PRAG1: variants seen among roughly 807,000 people sequenced by gnomAD.
The protein encoded by PRAG1 is PEAK1 related, kinase-activating pseudokinase 1.
Under a neutral mutation model 95.6 loss-of-function variants are expected in PRAG1, and 110 were observed. That is an observed-to-expected ratio of 1.15 (90% CI 0.99 to 1.35). The LOEUF (loss-of-function observed/expected upper bound fraction) is 1.35, where lower values mean the gene tolerates loss of function less well. Ranked by LOEUF, PRAG1 falls within the 40% of genes most tolerant of loss-of-function variation. The probability of loss-of-function intolerance (pLI) is 0.00; values close to 1 mark genes in which losing one functional copy is unlikely to be tolerated. For missense variants in PRAG1, 2,554 were observed against 1,864.7 expected (o/e 1.37, Z -6.81); for synonymous variants, 1,052 against 819.4 (o/e 1.28, Z -4.85).
At chr8:8,383,538 A>C (rs1472902536) in intron 1 of PRAG1, among the ~76,000 whole-genome samples, 1 of 152,140 alleles carries the variant, frequency 6.6e-6, no homozygotes, top group Non-Finnish European at 1.5e-5. Context: ...CCATGATCAC[A>C]CCACTGCACT....
chr8:8,335,450 T>C (rs1452301440), intron 4 of PRAG1, among the ~76,000 whole-genome samples: 1 of 152,170 alleles, frequency 6.6e-6, no homozygotes, highest in African/African-American at 2.4e-5. Flanking sequence ...TTTGGGATGA[T>C]ACAGAAAAAA....
At chr8:8,324,408 C>T (rs1405062539) in intron 5 of PRAG1, among the ~76,000 whole-genome samples, 1 of 152,170 alleles carries the variant, frequency 6.6e-6, no homozygotes, top group Admixed American at 6.5e-5. Context: ...TGGCAAGACC[C>T]GCAGCTTCCT....
rs371674422 is a variant in PRAG1, at chr8:8,376,546, C to G, written c.1863G>C (p.Ser621=). 1.2e-6 allele frequency: 2 copies of G among 1,609,114 alleles called. No individual in the cohort carries two copies. Among genetic ancestry groups the G allele is most frequent in the South Asian group, 1.1e-5 (1 of 90,632 alleles). Residue 621 remains serine (S), a synonymous_variant, in exon 3 of 6, where the codon TCG becomes TCC. Coordinates refer to ENST00000615670, the MANE Select transcript of PRAG1 (RefSeq NM_001080826.3). ...RCPQPAASSA[S]EQRRPRFQAG... ...CCTGGAACCTGGGCCGCCTCTGTTC[C>G]GAGGCTGACGAGGCGGCAGGCTGGG...
chr8:8,385,319 A>G (rs1303548732), intron 1 of PRAG1, among the ~76,000 whole-genome samples: 2 of 152,186 alleles, frequency 1.3e-5, no homozygotes, highest in Non-Finnish European at 2.9e-5. Context: ...GCAGAGGGTA[A>G]ATTACGATAT....
chr8:8,336,886 C>T (rs1240606632), intron 4 of PRAG1, among the ~76,000 whole-genome samples: 6 of 129,180 alleles, frequency 4.6e-5, no homozygotes, highest in African/African-American at 1.5e-4. Flanking sequence ...ACCTTCCCCC[C>T]ACTCCCCTCC....
At chr8:8,329,229 C>G (rs917912129) in intron 4 of PRAG1, among the ~76,000 whole-genome samples, 6 of 151,960 alleles carry the variant, frequency 3.9e-5, no homozygotes, top group African/African-American at 1.5e-4. Flanking sequence ...CCCGTATCTA[C>G]TAAAAATACA....
chr8:8,332,180 T>G (rs1215000179), intron 4 of PRAG1, among the ~76,000 whole-genome samples: 1 of 90,350 alleles, frequency 1.1e-5, no homozygotes, highest in Non-Finnish European at 2.1e-5. Flanking sequence ...TTTTTTTTTT[T>G]GATGAAGTTT....
intron 3 of PRAG1, 141 bp from the exon 4 acceptor site, chr8:8,339,776 G>A (rs1799108151): frequency 1.3e-6 from 1 of 773,740 alleles, no homozygotes. Flanking sequence ...AAAGATTTTG[G>A]GGAGACAGTA....
At chr8:8,371,405 C>T (rs1299961060) in intron 3 of PRAG1, among the ~76,000 whole-genome samples, 1 of 151,796 alleles carries the variant, frequency 6.6e-6, no homozygotes, top group Non-Finnish European at 1.5e-5. Context: ...GGACTACTGG[C>T]GCCCGCCATC....
rs1800472155 is a variant in PRAG1 at position 8,377,745 on chromosome 8, G to A, written c.664C>T (p.His222Tyr). ...AAFAGTTSGC[H>Y]QGPGPLRESL... is the part of the protein sequence containing the mutation. ...TCCCGCAGGGGCCCAGGGCCCTGGT[G>A]ACAGCCAGATGTGGTCCCAGCAAAG... The change falls in exon 3 of 6, where the codon CAC becomes TAC. Residue 222 changes from histidine to tyrosine, a missense_variant. Transcript: ENST00000615670. 1.9e-6 allele frequency: 3 copies of A among 1,614,082 alleles called. No individual in the cohort carries two copies. In the Middle Eastern group the frequency reaches 4.9e-4, roughly 266 times the overall value.
At chr8:8,329,988 TCATG>T (rs1204400733) in intron 4 of PRAG1, among the ~76,000 whole-genome samples, 2 of 152,176 alleles carry the variant, frequency 1.3e-5, no homozygotes, top group African/African-American at 4.8e-5. Context: ...ACCAATGGAT[TCATG>T]CAAAGAAAAG....
In PRAG1 at chr8:8,318,681, G is replaced by T. The variant is rs372452888; in HGVS notation, c.3694C>A (p.Gln1232Lys). The T allele has an allele frequency of 1.6e-5, 25 of 1,611,408 alleles. No individual in the cohort carries two copies. In the South Asian group the frequency reaches 2.4e-4, roughly 16 times the overall value. ...QKPGGTPNLQQKKSQARLAPE... is the reference protein window; with the variant it reads ...QKPGGTPNLQKKKSQARLAPE... ...GCCAGCCGGGCCTGGCTCTTCTTCT[G>T]CTGCAGGTTTGGGGTGCCGCCCGGC... The change falls in exon 6 of 6, where the codon CAG becomes AAG. Residue 1232 changes from glutamine (Q) to lysine (K), a missense_variant. Physicochemically the swap from Gln to Lys is moderately conservative, Grantham distance 53. Coordinates refer to ENST00000615670, the MANE Select transcript of PRAG1 (RefSeq NM_001080826.3). The surrounding 1 kb of genome is among the most constrained non-coding windows in gnomAD (Gnocchi z 4.2).
chr8:8,376,647 G>C lies in PRAG1; in HGVS notation c.1762C>G (p.Pro588Ala). Residue 588 changes from proline to alanine, a missense_variant, in exon 3 of 6, where the codon CCA (proline) becomes GCA (alanine). Pro to Ala is a conservative substitution (Grantham distance 27, BLOSUM62 -1). Transcript: ENST00000615670. ...GCGGGGTCAGCAGGACCTTGGGATGGAGGCTGGGGCCCAATGCTGCTGCCG... is the reference window on the plus strand; with the variant it reads ...GCGGGGTCAGCAGGACCTTGGGATGCAGGCTGGGGCCCAATGCTGCTGCCG... ...SGGSSIGPQP[P>A]SQGPADPAPS... The C allele has an allele frequency of 6.2e-7, 1 of 1,607,938 alleles. No individual in the cohort carries two copies. Among genetic ancestry groups the C allele is most frequent in the South Asian group, 1.1e-5 (1 of 90,166 alleles).
intron 3 of PRAG1, among the ~76,000 whole-genome samples, chr8:8,367,910 G>T (rs1585265872): frequency 6.6e-6 from 1 of 152,102 alleles, no homozygotes. Flanking sequence ...CAAAATGCTG[G>T]GATTACAGGC....
intron 3 of PRAG1, among the ~76,000 whole-genome samples, chr8:8,345,050 T>G (rs970142280): frequency 1.3e-5 from 1 of 76,596 alleles, no homozygotes; most frequent in Non-Finnish European, 2.7e-5. Flanking sequence ...CCGCAGGGTG[T>G]GTGTGTGTGT....
Position 8,352,552 on chromosome 8 carries a change from G to A in PRAG1, c.2163-12917C>T, listed in dbSNP as rs1799556399. Among the ~76,000 whole-genome samples the A allele has an allele frequency of 3.3e-5, 5 of 152,138 alleles. No homozygotes were observed. The South Asian group carries it at 1.0e-3, about 32-fold the overall frequency. ...TAGTCACCATACTCATCTCTCTCAA[G>A]TAAGTCCTCTATTTCTCCATGACTC... On this transcript the variant is annotated intron_variant, in intron 3 of 5. Transcript: ENST00000615670.
chr8:8,382,605 C>T (rs1037571095), intron 1 of PRAG1, among the ~76,000 whole-genome samples: 9 of 152,310 alleles, frequency 5.9e-5, no homozygotes, highest in Middle Eastern at 3.4e-3. Context: ...AAGAGATTAA[C>T]GAAGAGCTAT....
chr8:8,318,775 G>T lies in PRAG1; in HGVS notation c.3600C>A (p.Ser1200=). The change falls in exon 6 of 6, where the codon TCC becomes TCA. Residue 1200 remains serine, a synonymous_variant. Coordinates refer to ENST00000615670, the MANE Select transcript of PRAG1 (RefSeq NM_001080826.3). The surrounding 1 kb of genome is among the most constrained non-coding windows in gnomAD (Gnocchi z 4.2). Reference sequence around the variant, plus strand: ...GCTGCTTCTCCCGGGGCCCTTCCGGGGAGGCGGGGCCGGCTGCGGGGCTGA... The same window carrying T: ...GCTGCTTCTCCCGGGGCCCTTCCGGTGAGGCGGGGCCGGCTGCGGGGCTGA... The part of the protein sequence containing the change: ...GTLSPAAGPA[S]PEGPREKQLP... 1 of 1,558,648 alleles carries T rather than the reference G, an allele frequency of 6.4e-7. No individual in the cohort carries two copies.
intron 3 of PRAG1, among the ~76,000 whole-genome samples, chr8:8,340,666 T>C (rs1799132779): frequency 6.6e-6 from 1 of 152,262 alleles, no homozygotes; most frequent in Admixed American, 6.5e-5. Context: ...TGGCTGTTCT[T>C]TGTGTTCAAC....
Sources: allele counts gnomAD v4.1 joint callset (sites outside exome capture counted in the v4.1 genomes callset), GRCh38; gene constraint gnomAD v4.1.1; non-coding constraint Gnocchi (gnomAD v3.1); transcripts MANE v1.5; gene names NCBI Gene and HGNC (gene_info 2026-07-23, HGNC 2026-07-21).